The following ALK variants were observed in gnomAD, a reference collection of about 807,000 sequenced individuals.
ALK encodes the protein ALK tyrosine kinase receptor.
A neutral mutation model predicts 163.1 loss-of-function variants in ALK; 74 were observed. That is an observed-to-expected ratio of 0.45 (90% CI 0.38 to 0.55). The LOEUF (loss-of-function observed/expected upper bound fraction) is 0.55. Among genes scored for constraint, ALK ranks in the 20% least tolerant of loss-of-function variants. The probability of loss-of-function intolerance (pLI) is 0.00; values close to 1 mark genes in which losing one functional copy is unlikely to be tolerated. For missense variants in ALK, 2,063 were observed against 2,105.3 expected, an observed-to-expected ratio of 0.98 and a Z score of 0.39; for synonymous variants, 960 against 843.2, an observed-to-expected ratio of 1.14 and a Z score of -2.40.
chr2:29,905,715 T>C (rs1162453856), intron 1 of ALK, among the ~76,000 whole-genome samples: 2 of 152,046 alleles, frequency 1.3e-5, no homozygotes, highest in Non-Finnish European at 2.9e-5. Context: ...TTCTATTTAG[T>C]AAATTTTGTG....
At chr2:29,520,015 G>A (rs1672770647) in intron 4 of ALK, among the ~76,000 whole-genome samples, 1 of 152,118 alleles carries the variant, frequency 6.6e-6, no homozygotes, top group South Asian at 2.1e-4. Context: ...AGGAGAAGGA[G>A]GAATTGGGGG....
chr2:29,427,036 T>TAAAA (rs1558319217), intron 4 of ALK, among the ~76,000 whole-genome samples: 1 of 1,716 alleles, frequency 5.8e-4, no homozygotes, highest in Non-Finnish European at 1.1e-3. Context: ...AGACTCCGTC[T>TAAAA]CAAAAAAAAA....
chr2:29,545,029 G>A (rs761126874), intron 3 of ALK, among the ~76,000 whole-genome samples: 4 of 152,120 alleles, frequency 2.6e-5, no homozygotes, highest in African/African-American at 4.8e-5. Flanking sequence ...AGAAATCTAC[G>A]AAGGTGTTTC....
chr2:29,516,998 G>A (rs1424846956), intron 4 of ALK, among the ~76,000 whole-genome samples: 1 of 152,172 alleles, frequency 6.6e-6, no homozygotes, highest in African/African-American at 2.4e-5. Context: ...CTAATTTTGA[G>A]TTTTAATTTG....
chr2:29,505,102 T>C (rs973024709), intron 4 of ALK, among the ~76,000 whole-genome samples: 1 of 152,064 alleles, frequency 6.6e-6, no homozygotes, highest in African/African-American at 2.4e-5. Context: ...GCATTAGTAA[T>C]TGGACCAGGG....
chr2:29,730,812 C>G (rs1054767651), intron 1 of ALK, among the ~76,000 whole-genome samples: 1 of 152,190 alleles, frequency 6.6e-6, no homozygotes, highest in African/African-American at 2.4e-5. Context: ...CTCCATAGGT[C>G]AGTGTCTCTG....
intron 3 of ALK, among the ~76,000 whole-genome samples, chr2:29,630,710 A>G (rs1024875673): frequency 6.6e-6 from 1 of 152,192 alleles, no homozygotes; most frequent in Non-Finnish European, 1.5e-5. Context: ...ATATTTTCAC[A>G]GGAAATATAT....
chr2:29,292,392 G>A (rs1451008883), intron 9 of ALK, among the ~76,000 whole-genome samples: 2 of 151,982 alleles, frequency 1.3e-5, no homozygotes, highest in African/African-American at 2.4e-5. Flanking sequence ...ATAGAGAGAG[G>A]AAAAACTAGG....
chr2:29,411,771 T>A (rs1669730464), intron 4 of ALK, among the ~76,000 whole-genome samples: 1 of 152,208 alleles, frequency 6.6e-6, no homozygotes, highest in Non-Finnish European at 1.5e-5. Flanking sequence ...AGGAACCACC[T>A]CTAGGAGCTC....
chr2:29,905,916 C>T (rs1255352550), intron 1 of ALK, among the ~76,000 whole-genome samples: 2 of 152,178 alleles, frequency 1.3e-5, no homozygotes. Flanking sequence ...CTCTGCCTTT[C>T]ATCTCTGCAT....
At chr2:29,474,090 T>C (rs760258930) in intron 4 of ALK, among the ~76,000 whole-genome samples, 1 of 152,194 alleles carries the variant, frequency 6.6e-6, no homozygotes. Context: ...GAAATGTATA[T>C]ATGCTCCAAA....
intron 4 of ALK, among the ~76,000 whole-genome samples, chr2:29,447,968 A>G (rs4456659): frequency 0.53 from 80,724 of 152,074 alleles, 21,654 homozygotes; most frequent in East Asian, 0.68. Flanking sequence ...AAAAACTGAT[A>G]AGGAGTCAAA....
At chr2:29,421,346 T>C (rs1429521080) in intron 4 of ALK, among the ~76,000 whole-genome samples, 1 of 151,502 alleles carries the variant, frequency 6.6e-6, no homozygotes, top group Non-Finnish European at 1.5e-5. Context: ...AAGAGAGTCT[T>C]GGTACTCATT....
At chr2:29,666,086 T>A (rs1677504474) in intron 3 of ALK, among the ~76,000 whole-genome samples, 1 of 152,132 alleles carries the variant, frequency 6.6e-6, no homozygotes, top group African/African-American at 2.4e-5. Flanking sequence ...TAAAATTTCA[T>A]GAGACACTAT....
intron 1 of ALK, among the ~76,000 whole-genome samples, chr2:29,730,203 A>G (rs1266442434): frequency 6.6e-6 from 1 of 152,128 alleles, no homozygotes; most frequent in Non-Finnish European, 1.5e-5. Flanking sequence ...GGGATTTGGG[A>G]GATGCTGGGA....
At chr2:29,359,290 T>C (rs1668333799) in intron 5 of ALK, among the ~76,000 whole-genome samples, 1 of 152,102 alleles carries the variant, frequency 6.6e-6, no homozygotes, top group Non-Finnish European at 1.5e-5. Flanking sequence ...GAAGAGGGTA[T>C]TATTCAGGGT....
intron 4 of ALK, among the ~76,000 whole-genome samples, chr2:29,402,181 CA>C (rs1053381611): frequency 3.9e-5 from 6 of 152,242 alleles, no homozygotes; most frequent in African/African-American, 1.2e-4. Flanking sequence ...GCCAGAGGCA[CA>C]AACAGCCCGT....
At chr2:29,402,157 A>C (rs1258319276) in intron 4 of ALK, among the ~76,000 whole-genome samples, 1 of 152,226 alleles carries the variant, frequency 6.6e-6, no homozygotes, top group Non-Finnish European at 1.5e-5. Context: ...ACTCCAGCCC[A>C]AACTCTGCTG....
At chr2:29,417,876 C>T (rs771148101) in intron 4 of ALK, among the ~76,000 whole-genome samples, 2 of 152,150 alleles carry the variant, frequency 1.3e-5, no homozygotes, top group East Asian at 1.9e-4. Context: ...GCTTTAGACC[C>T]GAACGCATTT....
Sources: allele counts gnomAD v4.1 joint callset (sites outside exome capture counted in the v4.1 genomes callset), GRCh38; gene constraint gnomAD v4.1.1; transcripts MANE v1.5; gene names NCBI Gene and HGNC (gene_info 2026-07-23, HGNC 2026-07-21).